The following SEPTIN14 variants were observed in gnomAD, a reference collection of about 807,000 sequenced individuals.
SEPTIN14 encodes septin 14.
In SEPTIN14, 40 loss-of-function variants were observed where a neutral mutation model predicts 53.6. The observed-to-expected ratio is 0.75, with a 90% confidence interval of 0.58 to 0.97. SEPTIN14 has a LOEUF of 0.97. Ranked by LOEUF, SEPTIN14 falls within the 50% of genes least tolerant of loss-of-function variation. SEPTIN14 has a pLI of 0.00. For synonymous variants in SEPTIN14, 138 were observed against 166.8 expected, an observed-to-expected ratio of 0.83 and a Z score of 1.33; for missense variants, 471 against 508.2, an observed-to-expected ratio of 0.93 and a Z score of 0.70.
chr7:55,830,311 T>C (rs1789078139), intron 6 of SEPTIN14, among the ~76,000 whole-genome samples: 2 of 143,276 alleles, frequency 1.4e-5, no homozygotes, highest in Non-Finnish European at 3.0e-5. Context: ...AATCAGAATG[T>C]TATCCAACTG....
At chr7:55,855,968 A>G (rs755490353) in intron 2 of SEPTIN14, among the ~76,000 whole-genome samples, 20 of 152,110 alleles carry the variant, frequency 1.3e-4, no homozygotes, top group Non-Finnish European at 2.8e-4. Flanking sequence ...TAATTTATTA[A>G]GGTTTGATTT....
chr7:55,846,496 A>G (rs371309984), intron 3 of SEPTIN14, 21 bp downstream of exon 3: 88 of 1,544,798 alleles, frequency 5.7e-5, no homozygotes, highest in Non-Finnish European at 7.3e-5. Flanking sequence ...GAATAATTCA[A>G]ATGAGGTGTT....
intron 5 of SEPTIN14, among the ~76,000 whole-genome samples, chr7:55,842,632 G>C (rs1299781816): frequency 6.6e-6 from 1 of 150,876 alleles, no homozygotes; most frequent in African/African-American, 2.4e-5. Context: ...GAAAAAGAAG[G>C]CTGGGCACGG....
Position 55,846,619 on chromosome 7 carries a change from G to A in SEPTIN14, c.73C>T (p.Arg25Cys), listed in dbSNP as rs1400930204. 4.1e-6 allele frequency: 6 copies of A among 1,475,130 alleles called. No homozygotes were observed. Among genetic ancestry groups the A allele is most frequent in the South Asian group, 2.4e-5 (2 of 84,266 alleles). 91.4% of individuals were successfully genotyped at this position (1,475,130 alleles called of 1,614,324 possible). A position where few individuals can be genotyped will look rare whatever the true frequency, so the allele number is the denominator to read the frequency against. Residue 25 changes from arginine (R) to cysteine (C), a missense_variant, in exon 3 of 10, where the codon CGT becomes TGT. By Grantham distance (180) the Arg-to-Cys change is radical. Transcript: ENST00000388975. ...DGDTQKENNI[R>C]CLTTIGHFGF... ...AAATGTCCAATCGTAGTTAAACAAC[G>A]AATATTATTTTCTTTTTGCTTAAAT...
chr7:55,825,313 G>A (rs1788963163), intron 6 of SEPTIN14, among the ~76,000 whole-genome samples: 1 of 152,092 alleles, frequency 6.6e-6, no homozygotes, highest in Non-Finnish European at 1.5e-5. Flanking sequence ...AGAGTAAAAA[G>A]ATCAATAGTT....
chr7:55,803,858 C>T (rs573644900), intron 9 of SEPTIN14, among the ~76,000 whole-genome samples: 2 of 151,786 alleles, frequency 1.3e-5, no homozygotes, highest in South Asian at 2.1e-4. Flanking sequence ...GGCGCGATGG[C>T]TCATGTCTGT....
rs1400599264 is a variant in SEPTIN14 at position 55,794,588 on chromosome 7, C to T, written c.*1325G>A. ...GATCATTTAGTAAAATTTTTCTTCC[C>T]CCAAATTATAAAATCTGTAAGATGA... On this transcript the variant is annotated 3_prime_UTR_variant, in exon 10 of 10. Coordinates refer to ENST00000388975, the MANE Select transcript of SEPTIN14 (RefSeq NM_207366.3). 1.3e-5 allele frequency: 2 copies of T among 152,008 alleles called. No homozygotes were observed. Among genetic ancestry groups the T allele is most frequent in the Admixed American group, 1.3e-4 (2 of 15,234 alleles). The allele number at this position is 152,008 out of a possible 1,614,324, so 9.4% of individuals were successfully genotyped here.
intron 3 of SEPTIN14, among the ~76,000 whole-genome samples, chr7:55,845,986 T>C (rs1789395890): frequency 6.9e-6 from 1 of 143,912 alleles, no homozygotes. Context: ...GAGGCGGAGC[T>C]TGCAGTGAAC....
At chr7:55,861,793 C>G in intron 2 of SEPTIN14, 150 bp downstream of exon 2, 1 of 498,666 alleles carries the variant, frequency 2.0e-6, no homozygotes, top group Non-Finnish European at 3.4e-6. Flanking sequence ...ACTTAAAACT[C>G]CAATTAGTAT....
intron 7 of SEPTIN14, chr7:55,811,429 G>T: frequency 2.4e-6 from 1 of 420,806 alleles, no homozygotes; most frequent in Non-Finnish European, 4.8e-6. Flanking sequence ...GGTGGAGGCT[G>T]CAGGGAGCGA....
intron 6 of SEPTIN14, among the ~76,000 whole-genome samples, chr7:55,822,490 C>T (rs1788913464): frequency 6.6e-6 from 1 of 151,670 alleles, no homozygotes; most frequent in African/African-American, 2.4e-5. Context: ...TACTATTCAA[C>T]CTCAGGATTC....
At chr7:55,816,602 T>G (rs10260993) in intron 7 of SEPTIN14, among the ~76,000 whole-genome samples, 58,959 of 149,124 alleles carry the variant, frequency 0.4, 15,637 homozygotes, top group African/African-American at 0.74. Flanking sequence ...TTTGAGACTA[T>G]CCTGACCAAC....
At chr7:55,809,964 C>A (rs186042106) in intron 7 of SEPTIN14, among the ~76,000 whole-genome samples, 1 of 151,602 alleles carries the variant, frequency 6.6e-6, no homozygotes, top group African/African-American at 2.4e-5. Context: ...TCCCAAGTAG[C>A]TGGGACTACA....
At chr7:55,830,516 TGTATTTTTA>T (rs1457686191) in intron 6 of SEPTIN14, among the ~76,000 whole-genome samples, 1 of 150,740 alleles carries the variant, frequency 6.6e-6, no homozygotes, top group Non-Finnish European at 1.5e-5. Context: ...GCTAATTTTT[TGTATTTTTA>T]GTACAGAAGG....
intron 6 of SEPTIN14, among the ~76,000 whole-genome samples, chr7:55,830,347 A>T (rs370153619): frequency 0.52 from 25,791 of 49,674 alleles, 6,560 homozygotes; most frequent in Non-Finnish European, 0.56. Context: ...ATATATATAT[A>T]TATTTTTTTT....
intron 7 of SEPTIN14, chr7:55,811,304 G>T: frequency 2.0e-6 from 1 of 512,076 alleles, no homozygotes; most frequent in South Asian, 1.5e-5. Flanking sequence ...CAATTGGCTT[G>T]ATTCGTATTT....
At chr7:55,811,307 T>A in intron 7 of SEPTIN14, 1 of 512,466 alleles carries the variant, frequency 2.0e-6, no homozygotes, top group South Asian at 1.5e-5. Context: ...TTGGCTTGAT[T>A]CGTATTTCCA....
intron 2 of SEPTIN14, among the ~76,000 whole-genome samples, chr7:55,861,668 G>A (rs572189081): frequency 8.6e-4 from 131 of 152,244 alleles, no homozygotes; most frequent in African/African-American, 3.0e-3. Flanking sequence ...TTTATTGGGC[G>A]ATTCAGAAGT....
chr7:55,830,369 C>T (rs1435352307), intron 6 of SEPTIN14, among the ~76,000 whole-genome samples: 3 of 53,730 alleles, frequency 5.6e-5, no homozygotes, highest in Admixed American at 4.4e-4. Flanking sequence ...TTTTTTGAGA[C>T]GGAGTCTCGC....
Sources: allele counts gnomAD v4.1 joint callset (sites outside exome capture counted in the v4.1 genomes callset), GRCh38; gene constraint gnomAD v4.1.1; transcripts MANE v1.5; gene names NCBI Gene and HGNC (gene_info 2026-07-23, HGNC 2026-07-21).